Variants in NCALD observed in about 807,000 individuals in gnomAD.
NCALD encodes the protein neurocalcin-delta.
In NCALD, 10 loss-of-function variants were observed where a neutral mutation model predicts 18.6. The observed-to-expected ratio is 0.54, with a 90% CI of 0.33 to 0.91. NCALD has a LOEUF of 0.91. Ranked by LOEUF, NCALD falls within the 40% of genes least tolerant of loss-of-function variation. The probability of loss-of-function intolerance (pLI) is 0.03; values close to 1 mark genes in which losing one functional copy is unlikely to be tolerated. For synonymous variants in NCALD, 88 were observed against 87.4 expected, an observed-to-expected ratio of 1.01 and a Z score of -0.04; for missense variants, 184 against 247.6, an observed-to-expected ratio of 0.74 and a Z score of 1.72.
At chr8:101,752,616 T>C (rs566162701) in intron 1 of NCALD, among the ~76,000 whole-genome samples, 3 of 152,300 alleles carry the variant, frequency 2.0e-5, no homozygotes, top group Admixed American at 6.5e-5. Context: ...CATCCCCAAA[T>C]TGAGTTTTCT....
At chr8:101,874,363 A>C in intron 4 of NCALD, among the ~76,000 whole-genome samples, 1 of 152,222 alleles carries the variant, frequency 6.6e-6, no homozygotes, top group East Asian at 1.9e-4. Context: ...CAAATCACCT[A>C]TGTCTAAATA....
At chr8:102,047,000 C>T (rs1408595959) in intron 1 of NCALD, among the ~76,000 whole-genome samples, 3 of 152,154 alleles carry the variant, frequency 2.0e-5, no homozygotes, top group African/African-American at 7.2e-5. Flanking sequence ...TAGACCCCAG[C>T]GTCTGTTGTT....
intron 2 of NCALD, among the ~76,000 whole-genome samples, chr8:101,995,167 T>C (rs997073807): frequency 2.0e-5 from 3 of 152,220 alleles, no homozygotes; most frequent in Non-Finnish European, 4.4e-5. Flanking sequence ...TCTGTCATTA[T>C]CCTTCTGATG....
At chr8:102,082,175 T>C (rs976360664) in intron 1 of NCALD, among the ~76,000 whole-genome samples, 5 of 151,812 alleles carry the variant, frequency 3.3e-5, no homozygotes, top group Non-Finnish European at 7.4e-5. Flanking sequence ...TTGGTGCTTA[T>C]TATTCTCAAA....
At chr8:101,941,385 C>G (rs1282338589) in intron 2 of NCALD, among the ~76,000 whole-genome samples, 1 of 152,230 alleles carries the variant, frequency 6.6e-6, no homozygotes, top group Non-Finnish European at 1.5e-5. Flanking sequence ...TGACAGGAGG[C>G]AGAGCTCAGG....
intron 1 of NCALD, among the ~76,000 whole-genome samples, chr8:102,061,344 C>T (rs1017550417): frequency 2.0e-5 from 3 of 152,186 alleles, no homozygotes; most frequent in Non-Finnish European, 2.9e-5. Context: ...ACCCCAGCAG[C>T]CCTGGACCAC....
chr8:101,938,182 T>G (rs1446189803), intron 2 of NCALD, among the ~76,000 whole-genome samples: 1 of 152,232 alleles, frequency 6.6e-6, no homozygotes, highest in Non-Finnish European at 1.5e-5. Flanking sequence ...AAGAATCCAT[T>G]ATTTTCTCAT....
At chr8:102,081,570 AAAAAAAC>A (rs1824535529) in intron 1 of NCALD, among the ~76,000 whole-genome samples, 5 of 105,144 alleles carry the variant, frequency 4.8e-5, no homozygotes, top group Non-Finnish European at 5.9e-5. Context: ...AAAAAAAAAA[AAAAAAAC>A]CCCAAAAAAA....
chr8:102,018,279 CA>C (rs1822157177), intron 2 of NCALD, among the ~76,000 whole-genome samples: 1 of 152,204 alleles, frequency 6.6e-6, no homozygotes, highest in Non-Finnish European at 1.5e-5. Context: ...TATGTCCACA[CA>C]AAGGCCTGTT....
At position 102,105,240 on chromosome 8, in the gene NCALD, T is replaced by C. The variant is rs141235619; in HGVS notation, c.-210+18997A>G. On this transcript the variant is annotated intron_variant, in intron 1 of 6. Coordinates refer to the NCALD transcript ENST00000311028. ...AGCTATAGATACATACAGATTCTTTTAAGTTGAAACTTTGTAAAGATAACA... is the reference window on the plus strand; with the variant it reads ...AGCTATAGATACATACAGATTCTTTCAAGTTGAAACTTTGTAAAGATAACA... Among the ~76,000 whole-genome samples, 356 of 152,338 alleles carry C rather than the reference T, an allele frequency of 2.3e-3. 3 individuals carry two copies. The highest frequency in any genetic ancestry group is 7.7e-3 in the African/African-American group (320 of 41,568).
At chr8:101,869,225 A>T (rs1008969137) in intron 4 of NCALD, among the ~76,000 whole-genome samples, 1 of 152,226 alleles carries the variant, frequency 6.6e-6, no homozygotes, top group Non-Finnish European at 1.5e-5. Context: ...CAGGATGGGA[A>T]GTTTATCCTG....
chr8:101,959,036 T>G (rs892095868), intron 2 of NCALD, among the ~76,000 whole-genome samples: 1 of 152,140 alleles, frequency 6.6e-6, no homozygotes, highest in Non-Finnish European at 1.5e-5. Flanking sequence ...GCAATACTAC[T>G]ATCTCATCCT....
At chr8:101,779,642 G>A (rs1317796869) in intron 1 of NCALD, among the ~76,000 whole-genome samples, 1 of 151,950 alleles carries the variant, frequency 6.6e-6, no homozygotes, top group African/African-American at 2.4e-5. Flanking sequence ...TATTCCTTAC[G>A]GATTGCCCTT....
chr8:102,068,235 G>A (rs1216726478), intron 1 of NCALD, among the ~76,000 whole-genome samples: 4 of 152,200 alleles, frequency 2.6e-5, no homozygotes, highest in Admixed American at 6.5e-5. Flanking sequence ...GAGATCTCGC[G>A]CTCCCCCACT....
At chr8:101,799,189 A>T (rs534726626) in intron 4 of NCALD, among the ~76,000 whole-genome samples, 1 of 151,998 alleles carries the variant, frequency 6.6e-6, no homozygotes, top group South Asian at 2.1e-4. Flanking sequence ...AAACAAGTAT[A>T]AAAAAAAATT....
chr8:101,951,028 A>G (rs1040005979), intron 2 of NCALD, among the ~76,000 whole-genome samples: 1 of 152,204 alleles, frequency 6.6e-6, no homozygotes, highest in Non-Finnish European at 1.5e-5. Flanking sequence ...TGGAGGCCGC[A>G]GGTGCTAGAC....
intron 2 of NCALD, among the ~76,000 whole-genome samples, chr8:101,972,212 T>C (rs1820266076): frequency 6.6e-6 from 1 of 152,148 alleles, no homozygotes; most frequent in Non-Finnish European, 1.5e-5. Flanking sequence ...TCCAATGACA[T>C]TGGCACCAGG....
At chr8:101,876,134 T>C (rs571187674) in intron 4 of NCALD, among the ~76,000 whole-genome samples, 1 of 152,142 alleles carries the variant, frequency 6.6e-6, no homozygotes, top group African/African-American at 2.4e-5. Flanking sequence ...AAAGGGAAAA[T>C]AGTAGAGGAA....
intron 3 of NCALD, among the ~76,000 whole-genome samples, chr8:101,911,910 T>G (rs1247833152): frequency 6.6e-6 from 1 of 152,144 alleles, no homozygotes; most frequent in Non-Finnish European, 1.5e-5. Context: ...GATCTTGTGC[T>G]TTATTTCCAG....
Sources: gnomAD v4.1 joint callset for allele counts (sites outside exome capture counted in the v4.1 genomes callset) on GRCh38, gnomAD v4.1.1 for gene constraint, MANE v1.5 for transcripts, NCBI Gene and HGNC (gene_info 2026-07-23, HGNC 2026-07-21) for gene names.